Variants in RSPH3 observed in about 807,000 individuals in gnomAD.
RSPH3 encodes the protein radial spoke head protein 3 homolog.
In RSPH3, 21 loss-of-function variants were observed where a neutral mutation model predicts 43.8. The ratio of observed to expected loss-of-function variants is 0.48; its 90% CI spans 0.34 to 0.69. The LOEUF is 0.69. Ranked by LOEUF, RSPH3 falls within the 30% of genes least tolerant of loss-of-function variation. The pLI is 0.01. For synonymous variants in RSPH3, 173 were observed against 179.8 expected, an observed-to-expected ratio of 0.96 and a Z score of 0.30; for missense variants, 487 against 516.0, an observed-to-expected ratio of 0.94 and a Z score of 0.54.
Position 158,999,990 on chromosome 6 carries a change from G to C in RSPH3, c.-440C>G. On this transcript the variant is annotated 5_prime_UTR_variant, in exon 1 of 8. Coordinates refer to ENST00000367069, the MANE Select transcript of RSPH3 (RefSeq NM_031924.8). Reference sequence around the variant, plus strand: ...CTTGACCGTCATCCTTGAGGCCTGCGGGGCAACGGTGGCTGTCCTTGGCCC... The same window carrying C: ...CTTGACCGTCATCCTTGAGGCCTGCCGGGCAACGGTGGCTGTCCTTGGCCC... The C allele has an allele frequency of 6.4e-7, 1 of 1,564,546 alleles. No homozygotes were observed. The highest frequency in any genetic ancestry group is 8.7e-7 in the Non-Finnish European group (1 of 1,154,426).
chr6:158,997,267 A>G (rs1778621998), intron 1 of RSPH3, among the ~76,000 whole-genome samples: 1 of 119,736 alleles, frequency 8.4e-6, no homozygotes, highest in Admixed American at 1.1e-4. Flanking sequence ...TACTCTCCTG[A>G]ACACTTTTTT....
At chr6:158,990,547 G>A (rs901723139) in intron 2 of RSPH3, 1 of 152,046 alleles carries the variant, frequency 6.6e-6, no homozygotes, top group Non-Finnish European at 1.5e-5. Flanking sequence ...AAAATATTGT[G>A]CCACTTTCTT....
chr6:158,981,882 T>C (rs982245310), intron 5 of RSPH3, among the ~76,000 whole-genome samples: 1 of 152,196 alleles, frequency 6.6e-6, no homozygotes, highest in Non-Finnish European at 1.5e-5. Flanking sequence ...AAGACTATCT[T>C]TTCTAGTGCT....
rs1777873727 is a variant in RSPH3, at chr6:158,977,227, C to T, written c.*311G>A. 2.9e-5 allele frequency: 8 copies of T among 277,710 alleles called. No individual in the cohort carries two copies. In the South Asian group the frequency reaches 4.1e-4, roughly 14 times the overall value. 17.2% of individuals were successfully genotyped at this position (277,710 alleles called of 1,614,324 possible). ...TCATACTTACTAAAAAAAACTAACCCGCAAAATTAGAAGGGCTAAGGAAAA... is the reference window on the plus strand; with the variant it reads ...TCATACTTACTAAAAAAAACTAACCTGCAAAATTAGAAGGGCTAAGGAAAA... On this transcript the variant is annotated 3_prime_UTR_variant, in exon 8 of 8. Coordinates refer to ENST00000367069, the MANE Select transcript of RSPH3 (RefSeq NM_031924.8).
chr6:158,993,856 G>C lies in RSPH3; in HGVS notation c.187C>G (p.Leu63Val), dbSNP rs141552246. ...RRVIRGNTYA[L>V]QTGPLLGRPD... ...GAACTTACCAGTGGCCCTGTCTGGAGTGCATAAGTGTTACCTCGAATTACC... is the reference window on the plus strand; with the variant it reads ...GAACTTACCAGTGGCCCTGTCTGGACTGCATAAGTGTTACCTCGAATTACC... Residue 63 changes from leucine to valine, a missense_variant, in exon 2 of 8, where the codon CTC (leucine) becomes GTC (valine). Coordinates refer to ENST00000367069, the MANE Select transcript of RSPH3 (RefSeq NM_031924.8). The C allele has an allele frequency of 6.2e-6, 10 of 1,603,126 alleles. No homozygotes were observed. In the African/African-American group the frequency reaches 1.2e-4, roughly 19 times the overall value.
chr6:158,978,421 C>T (rs1777922917), intron 6 of RSPH3, 75 bp from the exon 7 acceptor site: 2 of 721,488 alleles, frequency 2.8e-6, no homozygotes, highest in Non-Finnish European at 4.8e-6. Context: ...GTAATAGACT[C>T]ATCAACATTG....
At chr6:158,967,329 T>C in the RSPH3 span, among the ~76,000 whole-genome samples, 5 of 152,202 alleles carry the variant, frequency 3.3e-5, no homozygotes, top group African/African-American at 4.8e-5. Context: ...AATTACTTTC[T>C]AATTTTTCTA....
intron 1 of RSPH3, among the ~76,000 whole-genome samples, chr6:158,995,664 G>A (rs1356514460): frequency 6.6e-6 from 1 of 151,984 alleles, no homozygotes; most frequent in African/African-American, 2.4e-5. Flanking sequence ...GTGCAATCTT[G>A]GCTCACTGCA....
chr6:158,963,212 G>A, the RSPH3 span, among the ~76,000 whole-genome samples: 1 of 152,104 alleles, frequency 6.6e-6, no homozygotes, highest in African/African-American at 2.4e-5. Context: ...AAGACTGAAA[G>A]GCAATGTTAT....
Position 158,993,891 on chromosome 6 carries a change from T to C in RSPH3, c.152A>G (p.Tyr51Cys). 1 of 1,612,100 alleles carries C rather than the reference T, an allele frequency of 6.2e-7. No homozygotes were observed. Among genetic ancestry groups the C allele is most frequent in the Non-Finnish European group, 8.5e-7 (1 of 1,178,282 alleles). The change falls in exon 2 of 8, where the codon TAT becomes TGT. Residue 51 changes from tyrosine (Y) to cysteine (C), a missense_variant. Transcript: ENST00000367069. Reference sequence around the variant, plus strand: ...GTTACCTCGAATTACCCTTCTGTCATACATTATGTTTCCATAATGCATAGG... The same window carrying C: ...GTTACCTCGAATTACCCTTCTGTCACACATTATGTTTCCATAATGCATAGG... The part of the protein sequence containing the change: ...EEPMHYGNIM[Y>C]DRRVIRGNTY...
downstream of RSPH3, among the ~76,000 whole-genome samples, chr6:158,970,166 C>A (rs1777679655): frequency 6.6e-6 from 1 of 151,894 alleles, no homozygotes; most frequent in Non-Finnish European, 1.5e-5. Context: ...ACCCGTCCAA[C>A]CTGGGTTTTC....
At chr6:158,963,475 C>G in the RSPH3 span, among the ~76,000 whole-genome samples, 1 of 115,166 alleles carries the variant, frequency 8.7e-6, no homozygotes, top group African/African-American at 3.3e-5. Context: ...CCCCTCCTCT[C>G]CCTTCCCTTC....
intron 1 of RSPH3, among the ~76,000 whole-genome samples, chr6:158,996,057 T>C (rs984814090): frequency 4.6e-5 from 7 of 152,180 alleles, no homozygotes; most frequent in African/African-American, 9.7e-5. Flanking sequence ...TTCTGGGGAC[T>C]AGGAAGAGGA....
At chr6:158,979,004 A>G (rs1039557510) in intron 6 of RSPH3, among the ~76,000 whole-genome samples, 2 of 152,154 alleles carry the variant, frequency 1.3e-5, no homozygotes, top group African/African-American at 2.4e-5. Context: ...CAGTAAAAGA[A>G]AGTCTCCACC....
rs1777875879 is a variant in RSPH3, at chr6:158,977,291, A to G, written c.*247T>C. On this transcript the variant is annotated 3_prime_UTR_variant, in exon 8 of 8. Transcript: ENST00000367069. Reference sequence around the variant, plus strand: ...TTACATATAATGGTAATAGAAAGCTAGTAATTAAATATAATTCTCATTAGA... The same window carrying G: ...TTACATATAATGGTAATAGAAAGCTGGTAATTAAATATAATTCTCATTAGA... 5 of 439,638 alleles carry G rather than the reference A, an allele frequency of 1.1e-5. No homozygotes were observed. Among genetic ancestry groups the G allele is most frequent in the Admixed American group, 3.9e-5 (1 of 25,336 alleles). The allele number at this position is 439,638 out of a possible 1,614,324, so 27.2% of individuals were successfully genotyped here. A position where few individuals can be genotyped will look rare whatever the true frequency, so the allele number is the denominator to read the frequency against.
At chr6:158,971,782 T>C (rs1057476834), downstream of RSPH3, among the ~76,000 whole-genome samples, 5 of 152,338 alleles carry the variant, frequency 3.3e-5, no homozygotes, top group South Asian at 8.3e-4. Context: ...CTGGAAGATA[T>C]GATTTCTAGG....
Position 158,975,744 on chromosome 6 carries a change from A to C in RSPH3, c.*1794T>G, listed in dbSNP as rs920665970. 6.6e-6 allele frequency: 1 copy of C among 152,232 alleles called. No individual in the cohort carries two copies. Among genetic ancestry groups the C allele is most frequent in the Non-Finnish European group, 1.5e-5 (1 of 68,040 alleles). 9.4% of individuals were successfully genotyped at this position (152,232 alleles called of 1,614,324 possible). A position where few individuals can be genotyped will look rare whatever the true frequency, so the allele number is the denominator to read the frequency against. On this transcript the variant is annotated 3_prime_UTR_variant, in exon 8 of 8. Coordinates refer to ENST00000367069, the MANE Select transcript of RSPH3 (RefSeq NM_031924.8). ...GGCCTAAGTGTTATAGTGAAATACT[A>C]TATGGGAAAATGGGTGCATTCTTTT...
intron 1 of RSPH3, among the ~76,000 whole-genome samples, chr6:158,998,643 G>A (rs1778711550): frequency 6.7e-6 from 1 of 149,986 alleles, no homozygotes; most frequent in African/African-American, 2.4e-5. Context: ...ATCACTTGAG[G>A]CCAAGAGTTT....
intron 1 of RSPH3, among the ~76,000 whole-genome samples, chr6:158,998,676 C>G (rs148779431): frequency 4.2e-5 from 6 of 143,520 alleles, no homozygotes; most frequent in African/African-American, 1.5e-4. Context: ...GCCAACGTGG[C>G]AAAACCCTGT....
Sources: gnomAD v4.1 joint callset for allele counts (sites outside exome capture counted in the v4.1 genomes callset) on GRCh38, gnomAD v4.1.1 for gene constraint, MANE v1.5 for transcripts, NCBI Gene and HGNC (gene_info 2026-07-23, HGNC 2026-07-21) for gene names.